The following NAALADL2 variants were observed in gnomAD, a reference collection of about 807,000 sequenced individuals.
NAALADL2 encodes the protein N-acetylated alpha-linked acidic dipeptidase like 2.
A neutral mutation model predicts 87.2 loss-of-function variants in NAALADL2; 76 were observed. The observed-to-expected ratio is 0.87, with a 90% CI of 0.72 to 1.05. The LOEUF (loss-of-function observed/expected upper bound fraction) is 1.05, where lower values mean the gene tolerates loss of function less well. Among genes scored for constraint, NAALADL2 ranks in the 50% least tolerant of loss-of-function variants. The pLI is 0.00. For synonymous variants in NAALADL2, 354 were observed against 331.0 expected, an observed-to-expected ratio of 1.07 and a Z score of -0.75; for missense variants, 1,089 against 945.8, an observed-to-expected ratio of 1.15 and a Z score of -1.99.
chr3:175,217,621 T>C (rs1742752301), intron 2 of NAALADL2, among the ~76,000 whole-genome samples: 1 of 152,218 alleles, frequency 6.6e-6, no homozygotes, highest in African/African-American at 2.4e-5. Flanking sequence ...CAGTGTTCAA[T>C]ATAATTATGT....
intron 9 of NAALADL2, among the ~76,000 whole-genome samples, chr3:175,472,530 G>A (rs906363269): frequency 1.3e-5 from 2 of 152,010 alleles, no homozygotes; most frequent in African/African-American, 4.8e-5. Flanking sequence ...TTATATATTG[G>A]AACCAATCTT....
intron 2 of NAALADL2, among the ~76,000 whole-genome samples, chr3:175,214,027 A>G (rs1432778958): frequency 1.3e-5 from 2 of 152,216 alleles, no homozygotes; most frequent in East Asian, 3.8e-4. Flanking sequence ...AAATTTGTTC[A>G]TTAGAATACC....
At chr3:175,583,350 ACTGT>A (rs1033626524) in intron 10 of NAALADL2, among the ~76,000 whole-genome samples, 26 of 152,210 alleles carry the variant, frequency 1.7e-4, no homozygotes, top group African/African-American at 6.0e-4. Flanking sequence ...TAAGTTGGAG[ACTGT>A]CTGTATATGC....
intron 1 of NAALADL2, among the ~76,000 whole-genome samples, chr3:174,526,662 A>C (rs1026759622): frequency 6.7e-6 from 1 of 149,544 alleles, no homozygotes; most frequent in African/African-American, 2.5e-5. Context: ...GTAACACTGA[A>C]ATTGTTTTTC....
intron 1 of NAALADL2, among the ~76,000 whole-genome samples, chr3:174,487,956 G>T (rs936538609): frequency 2.0e-5 from 3 of 151,926 alleles, no homozygotes; most frequent in Admixed American, 6.6e-5. Context: ...AAAAAGATTA[G>T]TTTGGAAGAC....
At position 175,135,357 on chromosome 3, in the gene NAALADL2, G is replaced by A. The variant is rs12633681; in HGVS notation, c.545+38066G>A. On this transcript the variant is annotated intron_variant, in intron 2 of 13. Transcript: ENST00000454872. Reference sequence around the variant, plus strand: ...AATGAGGGCATATATTTCTTCATACGGTAATAAAAATATCCTTGTATTTCC... The same window carrying A: ...AATGAGGGCATATATTTCTTCATACAGTAATAAAAATATCCTTGTATTTCC... Among the ~76,000 whole-genome samples the A allele has an allele frequency of 1.1e-4, 16 of 152,092 alleles. No homozygotes were observed. The South Asian group carries it at 1.9e-3, about 18-fold the overall frequency.
Position 175,463,458 on chromosome 3 carries a change from ATGT to A in NAALADL2, c.1298_1300del (p.Val433del), listed in dbSNP as rs1723465069. 6.2e-7 allele frequency: 1 copy of A among 1,600,158 alleles called. No individual in the cohort carries two copies. The highest frequency in any genetic ancestry group is 1.7e-5 in the Admixed American group (1 of 59,302). On this transcript the variant is annotated inframe_deletion, in exon 7 of 14. Coordinates refer to ENST00000454872, the MANE Select transcript of NAALADL2 (RefSeq NM_207015.3). ...GTCACAAAATTGAAAACAGTTACTA[ATGT>A]TGTTGGATTTGTAATGGGCTTGACA...
intron 13 of NAALADL2, among the ~76,000 whole-genome samples, chr3:175,789,089 A>G (rs938615537): frequency 2.0e-5 from 3 of 152,162 alleles, no homozygotes; most frequent in Admixed American, 6.5e-5. Context: ...TATGCAGAAG[A>G]CCATAACTCT....
At chr3:175,388,110 T>C (rs1768624637) in intron 5 of NAALADL2, among the ~76,000 whole-genome samples, 1 of 152,090 alleles carries the variant, frequency 6.6e-6, no homozygotes, top group Non-Finnish European at 1.5e-5. Context: ...TATGATCTCC[T>C]ATCCTCCCAG....
At chr3:174,476,433 G>A (rs1031728105) in intron 1 of NAALADL2, among the ~76,000 whole-genome samples, 4 of 151,646 alleles carry the variant, frequency 2.6e-5, no homozygotes, top group Admixed American at 6.6e-5. Context: ...TACTCTTCTC[G>A]TTTTCAGCCT....
intron 2 of NAALADL2, among the ~76,000 whole-genome samples, chr3:174,636,671 A>T (rs936937769): frequency 3.3e-5 from 5 of 152,138 alleles, no homozygotes; most frequent in African/African-American, 1.2e-4. Flanking sequence ...GTTGGCAAGG[A>T]TACAGAGAAA....
At chr3:175,189,657 G>A (rs1284981759) in intron 2 of NAALADL2, among the ~76,000 whole-genome samples, 1 of 152,136 alleles carries the variant, frequency 6.6e-6, no homozygotes, top group African/African-American at 2.4e-5. Flanking sequence ...ACAATACACA[G>A]ATTCAGTGCA....
chr3:174,482,013 C>A (rs1717584203), intron 1 of NAALADL2, among the ~76,000 whole-genome samples: 1 of 151,998 alleles, frequency 6.6e-6, no homozygotes, highest in South Asian at 2.1e-4. Flanking sequence ...AATGGGGGAA[C>A]CCTTCCAAGA....
At position 175,234,228 on chromosome 3, in the gene NAALADL2, C is replaced by G. The variant is rs573949102; in HGVS notation, c.819+24C>G. The G allele has an allele frequency of 4.4e-6, 7 of 1,600,006 alleles. No individual in the cohort carries two copies. In the Admixed American group the frequency reaches 1.2e-4, roughly 28 times the overall value. On this transcript the variant is annotated intron_variant, in intron 3 of 13. Coordinates refer to ENST00000454872, the MANE Select transcript of NAALADL2 (RefSeq NM_207015.3). ...AGGTAATATGACCATTTGTCTCTGT[C>G]ATTTACAGTGAGATGGAATTAGAAA...
intron 2 of NAALADL2, among the ~76,000 whole-genome samples, chr3:175,133,557 CAAAAAAAT>C (rs1324774364): frequency 6.6e-6 from 1 of 152,114 alleles, no homozygotes; most frequent in Non-Finnish European, 1.5e-5. Flanking sequence ...CCGTCTCCAC[CAAAAAAAT>C]ACGAAAACCA....
chr3:175,527,268 C>T (rs780951419), intron 9 of NAALADL2, among the ~76,000 whole-genome samples: 10 of 152,166 alleles, frequency 6.6e-5, no homozygotes, highest in Middle Eastern at 3.4e-3. Context: ...ATTTACCTGC[C>T]GTCATAGCTG....
intron 4 of NAALADL2, among the ~76,000 whole-genome samples, chr3:175,272,615 C>T (rs556082160): frequency 4.5e-4 from 69 of 152,250 alleles, no homozygotes; most frequent in African/African-American, 1.7e-3. Flanking sequence ...GAGAGGCTCA[C>T]TTATGCTATA....
At chr3:175,779,894 C>G (rs1750781377) in intron 13 of NAALADL2, among the ~76,000 whole-genome samples, 1 of 152,066 alleles carries the variant, frequency 6.6e-6, no homozygotes, top group Non-Finnish European at 1.5e-5. Context: ...TTATTCCTAT[C>G]ACATGTAATA....
chr3:175,142,203 A>T (rs180962281), intron 2 of NAALADL2, among the ~76,000 whole-genome samples: 2 of 152,196 alleles, frequency 1.3e-5, no homozygotes, highest in South Asian at 4.1e-4. Context: ...ACCATTTTTC[A>T]TTTGTGCATC....
Sources: gnomAD v4.1 joint callset for allele counts (sites outside exome capture counted in the v4.1 genomes callset) on GRCh38, gnomAD v4.1.1 for gene constraint, MANE v1.5 for transcripts, NCBI Gene and HGNC (gene_info 2026-07-23, HGNC 2026-07-21) for gene names.